The following UGCG variants were observed in gnomAD, a reference collection of about 807,000 sequenced individuals.
The protein encoded by UGCG is UDP-glucose ceramide glucosyltransferase, also known as ceramide glucosyltransferase.
In UGCG, 10 loss-of-function variants were observed where a neutral mutation model predicts 49.5. That is an observed-to-expected ratio of 0.20 (90% CI 0.12 to 0.34). The LOEUF is 0.34. Among genes scored for constraint, UGCG ranks in the 10% least tolerant of loss-of-function variants. UGCG has a pLI of 1.00. For missense variants in UGCG, 312 were observed against 483.7 expected (o/e 0.65, Z 3.33); for synonymous variants, 182 against 158.2 (o/e 1.15, Z -1.13).
At position 111,896,824 on chromosome 9, in the gene UGCG, G is replaced by A. The variant is rs1837667788; in HGVS notation, c.-392G>A. The A allele has an allele frequency of 6.6e-6, 1 of 152,036 alleles. No individual in the cohort carries two copies. Among genetic ancestry groups the A allele is most frequent in the Non-Finnish European group, 1.5e-5 (1 of 68,256 alleles). The allele number at this position is 152,036 out of a possible 1,614,324, so 9.4% of individuals were successfully genotyped here. A position where few individuals can be genotyped will look rare whatever the true frequency, so the allele number is the denominator to read the frequency against. ...CCGCCGGTTTTGATTAGTGCGCGGA[G>A]CTGCGGCGGTGGAGCTGCTCGGCCG... On this transcript the variant is annotated 5_prime_UTR_variant, in exon 1 of 9. Coordinates refer to ENST00000374279, the MANE Select transcript of UGCG (RefSeq NM_003358.3).
At position 111,914,962 on chromosome 9, in the gene UGCG, G is replaced by C; in HGVS notation, c.240+216G>C. 3 of 501,638 alleles carry C rather than the reference G, an allele frequency of 6.0e-6. No individual in the cohort carries two copies. The South Asian group carries it at 1.3e-4, about 22-fold the overall frequency. The allele number at this position is 501,638 out of a possible 1,614,324, so 31.1% of individuals were successfully genotyped here. A position where few individuals can be genotyped will look rare whatever the true frequency, so the allele number is the denominator to read the frequency against. On this transcript the variant is annotated intron_variant, in intron 2 of 8. Coordinates refer to ENST00000374279, the MANE Select transcript of UGCG (RefSeq NM_003358.3). ...CCTTTCTAACCACCTATATGTCCGT[G>C]TGAAGTAGAGATCCCTGAGTAAACC...
chr9:111,907,815 G>C (rs897528601), intron 1 of UGCG, among the ~76,000 whole-genome samples: 4 of 152,062 alleles, frequency 2.6e-5, no homozygotes, highest in African/African-American at 9.7e-5. Context: ...TTTTAGAAGA[G>C]ATAGGGTTTC....
At chr9:111,919,122 GT>G (rs201108278) in intron 2 of UGCG, among the ~76,000 whole-genome samples, 2,958 of 152,132 alleles carry the variant, frequency 0.019, 52 homozygotes, top group Non-Finnish European at 0.031. Context: ...GCTAAGATTA[GT>G]TTTTTATTGT....
chr9:111,901,215 A>G (rs1027520116), intron 1 of UGCG, among the ~76,000 whole-genome samples: 1 of 152,178 alleles, frequency 6.6e-6, no homozygotes, highest in Non-Finnish European at 1.5e-5. Context: ...GCGATAAACT[A>G]CCCGTCAAAA....
At chr9:111,930,965 A>G (rs967860684) in intron 6 of UGCG, among the ~76,000 whole-genome samples, 2 of 152,188 alleles carry the variant, frequency 1.3e-5, no homozygotes, top group African/African-American at 4.8e-5. Flanking sequence ...GTCATCAGAG[A>G]CTAATCTATT....
intron 3 of UGCG, among the ~76,000 whole-genome samples, chr9:111,923,300 G>A (rs986433348): frequency 1.3e-5 from 2 of 151,118 alleles, no homozygotes; most frequent in African/African-American, 4.9e-5. Flanking sequence ...TTACAAGAAG[G>A]GTATTTTTCC....
Position 111,914,690 on chromosome 9 carries a change from G to T in UGCG, c.184G>T (p.Val62Leu), listed in dbSNP as rs375254021. 33 of 1,614,000 alleles carry T rather than the reference G, an allele frequency of 2.0e-5. No homozygotes were observed. Residue 62 changes from valine to leucine, a missense_variant, in exon 2 of 9, where the codon GTA becomes TTA. Coordinates refer to ENST00000374279, the MANE Select transcript of UGCG (RefSeq NM_003358.3). ...GVSLLKPLKG[V>L]DPNLINNLET... ...CTCTCTTCTGAAACCACTGAAAGGG[G>T]TAGATCCTAACTTAATCAACAACCT...
At chr9:111,898,147 C>G (rs1837700172) in intron 1 of UGCG, among the ~76,000 whole-genome samples, 1 of 151,478 alleles carries the variant, frequency 6.6e-6, no homozygotes, top group African/African-American at 2.4e-5. Flanking sequence ...TAAAATAGAA[C>G]TGGGTGATGG....
chr9:111,911,907 T>G (rs199674156), intron 1 of UGCG, among the ~76,000 whole-genome samples: 5 of 3,714 alleles, frequency 1.3e-3, no homozygotes, highest in East Asian at 6.8e-3. Context: ...TTCAACAGGA[T>G]ATATATATAT....
intron 2 of UGCG, 165 bp from the exon 3 acceptor site, chr9:111,922,684 A>C: frequency 2.3e-6 from 1 of 427,828 alleles, no homozygotes; most frequent in East Asian, 3.7e-5. Context: ...CCATTAAAGC[A>C]ACACTTGTTA....
At chr9:111,927,491 G>A (rs575485332) in intron 5 of UGCG, among the ~76,000 whole-genome samples, 2 of 151,030 alleles carry the variant, frequency 1.3e-5, no homozygotes, top group Admixed American at 6.6e-5. Flanking sequence ...TCGCTCTGTC[G>A]CCCAGGCTGG....
intron 1 of UGCG, among the ~76,000 whole-genome samples, chr9:111,908,267 T>C (rs924499430): frequency 6.6e-6 from 1 of 152,170 alleles, no homozygotes; most frequent in African/African-American, 2.4e-5. Context: ...GAATACATGA[T>C]AGCTAAATGT....
chr9:111,922,636 T>G (rs1317825425), intron 2 of UGCG, among the ~76,000 whole-genome samples: 1 of 152,184 alleles, frequency 6.6e-6, no homozygotes, highest in East Asian at 1.9e-4. Flanking sequence ...TCCTTATTTA[T>G]TCTGCTTGCA....
At chr9:111,932,466 A>G (rs909107204) in intron 8 of UGCG, 107 bp downstream of exon 8, 4 of 1,191,308 alleles carry the variant, frequency 3.4e-6, no homozygotes, top group South Asian at 1.7e-5. Context: ...TCAGCTTCCC[A>G]TTGTAGGTTA....
At chr9:111,908,330 G>T (rs1166387104) in intron 1 of UGCG, among the ~76,000 whole-genome samples, 1 of 152,178 alleles carries the variant, frequency 6.6e-6, no homozygotes. Context: ...GGCCAGACAG[G>T]AAAGATACAT....
intron 1 of UGCG, among the ~76,000 whole-genome samples, chr9:111,902,924 C>T (rs570589250): frequency 3.1e-4 from 47 of 152,222 alleles, no homozygotes; most frequent in African/African-American, 9.6e-4. Flanking sequence ...ACTACAAGCA[C>T]GTGCCACCAC....
At chr9:111,908,250 CAA>C (rs1289354911) in intron 1 of UGCG, among the ~76,000 whole-genome samples, 1 of 152,162 alleles carries the variant, frequency 6.6e-6, no homozygotes, top group Non-Finnish European at 1.5e-5. Context: ...TATCCTGTAA[CAA>C]GAGTGAATAC....
chr9:111,900,839 C>T (rs1303739366), intron 1 of UGCG, among the ~76,000 whole-genome samples: 1 of 152,058 alleles, frequency 6.6e-6, no homozygotes, highest in African/African-American at 2.4e-5. Context: ...CTGCTTTCTA[C>T]AAACGTATTT....
intron 7 of UGCG, 56 bp from the exon 8 acceptor site, chr9:111,932,114 G>A (rs553251512): frequency 4.7e-6 from 7 of 1,495,704 alleles, no homozygotes; most frequent in African/African-American, 4.2e-5. Flanking sequence ...AAAAAAAAAA[G>A]GATTTGTCTT....
Sources: allele counts gnomAD v4.1 joint callset (sites outside exome capture counted in the v4.1 genomes callset), GRCh38; gene constraint gnomAD v4.1.1; transcripts MANE v1.5; gene names NCBI Gene and HGNC (gene_info 2026-07-23, HGNC 2026-07-21).